Variants in TBC1D10A observed in about 807,000 individuals in gnomAD.
The protein encoded by TBC1D10A is TBC1 domain family member 10A.
Under a neutral mutation model 52.9 loss-of-function variants are expected in TBC1D10A, and 24 were observed. The observed-to-expected ratio is 0.45, with a 90% CI of 0.33 to 0.64. The LOEUF is 0.64. Among genes scored for constraint, TBC1D10A ranks in the 30% least tolerant of loss-of-function variants. The pLI is 0.02. For missense variants in TBC1D10A, 602 were observed against 687.9 expected, an observed-to-expected ratio of 0.88 and a Z score of 1.40; for synonymous variants, 278 against 282.9, an observed-to-expected ratio of 0.98 and a Z score of 0.17.
chr22:30,304,859 C>T (rs953150465), intron 1 of TBC1D10A, among the ~76,000 whole-genome samples: 1 of 152,220 alleles, frequency 6.6e-6, no homozygotes, highest in Non-Finnish European at 1.5e-5. Context: ...GGTTCAAGTG[C>T]CTACTTCCCT....
At chr22:30,320,260 G>C (rs1930625516) in intron 1 of TBC1D10A, among the ~76,000 whole-genome samples, 1 of 152,092 alleles carries the variant, frequency 6.6e-6, no homozygotes, top group Non-Finnish European at 1.5e-5. Flanking sequence ...ATGCTTCCAG[G>C]ACCTCTCCAA....
chr22:30,320,630 G>T (rs1486522821), intron 1 of TBC1D10A, among the ~76,000 whole-genome samples: 1 of 152,198 alleles, frequency 6.6e-6, no homozygotes, highest in East Asian at 1.9e-4. Flanking sequence ...TTCACCATGG[G>T]TTAGGGTTCA....
chr22:30,298,857 G>A (rs943462998), intron 3 of TBC1D10A: 1 of 152,712 alleles, frequency 6.5e-6, no homozygotes, highest in African/African-American at 2.4e-5. Context: ...GCCACTGACT[G>A]GCGTCTGACC....
At chr22:30,303,917 C>T (rs941692470) in intron 2 of TBC1D10A, among the ~76,000 whole-genome samples, 4 of 152,204 alleles carry the variant, frequency 2.6e-5, no homozygotes, top group African/African-American at 9.7e-5. Context: ...ATTTCATTTT[C>T]GTAAGACTAT....
Position 30,326,751 on chromosome 22 carries a change from T to C in TBC1D10A, c.131A>G (p.Asp44Gly). ...CTCGGCGAAGCCGTTGGCCTCCGAG[T>C]CAGACCCGAGAGAGCTGAGTTCGTC... ...TTDELSSLGSDSEANGFAERR... is the reference protein window; with the variant it reads ...TTDELSSLGSGSEANGFAERR... Residue 44 changes from aspartate to glycine, a missense_variant, in exon 1 of 9, where the codon GAC becomes GGC. Around this residue, in one of 3 missense-constraint regions of TBC1D10A, gnomAD observed 201 missense variants for 204.4 expected, o/e 0.98. Coordinates refer to ENST00000215790, the MANE Select transcript of TBC1D10A (RefSeq NM_031937.3). The C allele has an allele frequency of 6.5e-7, 1 of 1,534,970 alleles. No homozygotes were observed. Among genetic ancestry groups the C allele is most frequent in the South Asian group, 1.2e-5 (1 of 85,116 alleles).
intron 2 of TBC1D10A, among the ~76,000 whole-genome samples, chr22:30,303,881 C>T (rs1569161102): frequency 6.6e-6 from 1 of 152,222 alleles, no homozygotes; most frequent in Non-Finnish European, 1.5e-5. Context: ...CTAAAGACAG[C>T]CTCACTTGAA....
intron 1 of TBC1D10A, among the ~76,000 whole-genome samples, chr22:30,321,570 T>TA (rs994295704): frequency 2.6e-5 from 4 of 152,172 alleles, no homozygotes; most frequent in Non-Finnish European, 4.4e-5. Flanking sequence ...AAGAAGGCAA[T>TA]ACTGCTATTC....
At chr22:30,320,032 C>G (rs1326688787) in intron 1 of TBC1D10A, among the ~76,000 whole-genome samples, 2 of 152,206 alleles carry the variant, frequency 1.3e-5, no homozygotes, top group Non-Finnish European at 2.9e-5. Flanking sequence ...CCTCTCCGGT[C>G]TGGCTCCACA....
chr22:30,305,881 G>A (rs1383482068), intron 1 of TBC1D10A, among the ~76,000 whole-genome samples: 1 of 152,196 alleles, frequency 6.6e-6, no homozygotes. Context: ...CCCCCTCAAC[G>A]CACTGATACA....
chr22:30,294,531 A>G (rs1930030850), intron 6 of TBC1D10A, among the ~76,000 whole-genome samples: 1 of 152,184 alleles, frequency 6.6e-6, no homozygotes, highest in Non-Finnish European at 1.5e-5. Flanking sequence ...GGCCAAGGCG[A>G]AGGGAGGGAA....
chr22:30,293,520 G>A (rs980228811), intron 8 of TBC1D10A, 131 bp downstream of exon 8: 22 of 1,322,064 alleles, frequency 1.7e-5, no homozygotes, highest in Non-Finnish European at 2.1e-5. Context: ...CCACCCACAT[G>A]TTCTGTGTTG....
intron 8 of TBC1D10A, 145 bp downstream of exon 8, chr22:30,293,506 A>C (rs1324355968): frequency 1.9e-5 from 23 of 1,193,506 alleles, no homozygotes; most frequent in Non-Finnish European, 2.6e-5. Context: ...CAGAAGGATG[A>C]GGTCCACCCA....
At chr22:30,323,887 C>A (rs545063987) in intron 1 of TBC1D10A, among the ~76,000 whole-genome samples, 1 of 152,302 alleles carries the variant, frequency 6.6e-6, no homozygotes, top group African/African-American at 2.4e-5. Flanking sequence ...AGGAGAATCA[C>A]TTGAACCCGG....
At chr22:30,324,792 T>C (rs1158118671) in intron 1 of TBC1D10A, among the ~76,000 whole-genome samples, 1 of 152,136 alleles carries the variant, frequency 6.6e-6, no homozygotes, top group Non-Finnish European at 1.5e-5. Flanking sequence ...CCCTTTACAG[T>C]GAGTAAACAG....
In TBC1D10A at chr22:30,295,783, G is replaced by T; in HGVS notation, c.478C>A (p.Arg160=). The change falls in exon 4 of 9, where the codon CGG becomes AGG. Residue 160 remains arginine, a synonymous_variant. Transcript: ENST00000215790. ...WLDVIERDLH[R]QFPFHEMFVS... ...AACATCTCATGGAATGGGAACTGCC[G>T]GTGCAGGTCACGCTCAATCACGTCC... 1 of 1,614,030 alleles carries T rather than the reference G, an allele frequency of 6.2e-7. No individual in the cohort carries two copies. Among genetic ancestry groups the T allele is most frequent in the African/African-American group, 1.3e-5 (1 of 75,050 alleles).
At chr22:30,295,907 G>A (rs145011093) in intron 3 of TBC1D10A, 64 bp from the exon 4 acceptor site, 95 of 1,448,210 alleles carry the variant, frequency 6.6e-5, no homozygotes, top group Admixed American at 1.7e-4. Context: ...GACAGGACAC[G>A]GCTGCCCAGG....
intron 1 of TBC1D10A, among the ~76,000 whole-genome samples, chr22:30,313,694 C>T (rs769779759): frequency 6.6e-6 from 1 of 151,026 alleles, no homozygotes; most frequent in Non-Finnish European, 1.5e-5. Context: ...AGCCACCGTG[C>T]CTGGCCAACA....
chr22:30,310,842 T>C (rs376844730), intron 1 of TBC1D10A, among the ~76,000 whole-genome samples: 2 of 152,168 alleles, frequency 1.3e-5, no homozygotes, highest in Admixed American at 6.5e-5. Context: ...CCCCCGCTCA[T>C]ACCATGGCTT....
chr22:30,302,872 T>A (rs984181511), intron 2 of TBC1D10A, among the ~76,000 whole-genome samples: 2 of 152,162 alleles, frequency 1.3e-5, no homozygotes, highest in Non-Finnish European at 2.9e-5. Context: ...CATAACAGAT[T>A]GCTGGAGAGC....
Sources: allele counts gnomAD v4.1 joint callset (sites outside exome capture counted in the v4.1 genomes callset), GRCh38; gene constraint gnomAD v4.1.1; regional missense constraint gnomAD v4.1.1; transcripts MANE v1.5; gene names NCBI Gene and HGNC (gene_info 2026-07-23, HGNC 2026-07-21).